Variants in METTL6 observed in about 807,000 individuals in gnomAD.
METTL6 encodes the protein methyltransferase 6, tRNA N3-cytidine, also known as tRNA N(3)-cytidine methyltransferase METTL6.
Under a neutral mutation model 26.4 loss-of-function variants are expected in METTL6, and 22 were observed. That is an observed-to-expected ratio of 0.83 (90% CI 0.59 to 1.19). The LOEUF (loss-of-function observed/expected upper bound fraction) is 1.19, where lower values mean the gene tolerates loss of function less well. Among genes scored for constraint, METTL6 ranks in the 50% most tolerant of loss-of-function variants. The probability of loss-of-function intolerance (pLI) is 0.00; values close to 1 mark genes in which losing one functional copy is unlikely to be tolerated. For synonymous variants in METTL6, 109 were observed against 116.2 expected (o/e 0.94, Z 0.40); for missense variants, 304 against 324.8 (o/e 0.94, Z 0.49).
chr3:15,388,323 C>T (rs1392531355), intron 6 of METTL6, among the ~76,000 whole-genome samples: 1 of 152,102 alleles, frequency 6.6e-6, no homozygotes, highest in Non-Finnish European at 1.5e-5. Context: ...GTTGTCCAGG[C>T]TGGTCTCAAA....
chr3:15,381,858 C>T (rs1228677212), exon 7 of METTL6: 2 of 151,978 alleles, frequency 1.3e-5, no homozygotes, highest in Non-Finnish European at 2.9e-5. Context: ...GTCAGATTAT[C>T]TCTTAGGAAA....
chr3:15,391,910 T>C (rs919712146), intron 6 of METTL6, among the ~76,000 whole-genome samples: 2 of 152,216 alleles, frequency 1.3e-5, no homozygotes, highest in Admixed American at 1.3e-4. Context: ...GTTGGACATT[T>C]GGGTTGGTTC....
Position 15,411,366 on chromosome 3 carries a change from C to T in METTL6, c.745G>A (p.Val249Met), listed in dbSNP as rs201095275. The change falls in exon 6 of 6, where the codon GTG (valine) becomes ATG (methionine). Residue 249 changes from valine (V) to methionine (M), a missense_variant. Physicochemically the swap from Val to Met is conservative, Grantham distance 21 (BLOSUM62 1). Coordinates refer to ENST00000383790, the MANE Select transcript of METTL6 (RefSeq NM_152396.4). ...ACACACAGGCCTTCTTTTTTATTCA[C>T]CGTCTCTCGAAACACATACTCGTTT... ...VVNEYVFRET[V>M]NKKEGLCVPR... 8 of 1,614,038 alleles carry T rather than the reference C, an allele frequency of 5.0e-6. No homozygotes were observed. The highest frequency in any genetic ancestry group is 6.8e-6 in the Non-Finnish European group (8 of 1,180,034).
rs112105775 is a variant in METTL6, at chr3:15,386,784, T to C, written c.*12-2597A>G. Among the ~76,000 whole-genome samples, 1,153 of 151,600 alleles carry C rather than the reference T, an allele frequency of 7.6e-3. 23 individuals are homozygous for C. Among genetic ancestry groups the C allele is most frequent in the African/African-American group, 0.027 (1,105 of 41,310 alleles). ...CCAGGAAGCTGCTGATTACCAGTTT[T>C]CGGTGTTTCCTTTTCTTTTTTTTTT... is the stretch of plus-strand genomic sequence containing the variant. On this transcript the variant is annotated intron_variant, in intron 6 of 6. Transcript: ENST00000443029.
downstream of METTL6, among the ~76,000 whole-genome samples, chr3:15,405,503 G>T (rs976912746): frequency 6.6e-6 from 1 of 152,150 alleles, no homozygotes; most frequent in Non-Finnish European, 1.5e-5. Context: ...GAGCTTTTAA[G>T]TTAATCTAGA....
At chr3:15,406,621 TATATATATAGAGAGAGAGAG>T (rs1255986977), downstream of METTL6, among the ~76,000 whole-genome samples, 13 of 41,218 alleles carry the variant, frequency 3.2e-4, no homozygotes, top group African/African-American at 1.4e-3. Flanking sequence ...TATATATATA[TATATATATAGAGAGAGAGAG>T]AGAGAGAGAG....
chr3:15,406,884 C>T (rs1161249209), downstream of METTL6, among the ~76,000 whole-genome samples: 2 of 152,096 alleles, frequency 1.3e-5, no homozygotes, highest in Admixed American at 6.6e-5. Flanking sequence ...CCTGCCTCAA[C>T]CTCCCAAAAT....
At chr3:15,423,352 C>G (rs555911753) in intron 3 of METTL6, among the ~76,000 whole-genome samples, 1 of 152,274 alleles carries the variant, frequency 6.6e-6, no homozygotes, top group African/African-American at 2.4e-5. Context: ...GAGATTGCAC[C>G]ACTGCACTCC....
At chr3:15,400,885 T>C (rs184030521) in intron 6 of METTL6, among the ~76,000 whole-genome samples, 7 of 152,290 alleles carry the variant, frequency 4.6e-5, no homozygotes, top group South Asian at 2.1e-4. Flanking sequence ...ACTGAAACTA[T>C]ACTTGTGAAC....
chr3:15,402,211 C>T (rs374906115), intron 6 of METTL6, among the ~76,000 whole-genome samples: 5 of 152,258 alleles, frequency 3.3e-5, no homozygotes, highest in African/African-American at 7.2e-5. Flanking sequence ...CTTTCATTCA[C>T]GGCTGAATGA....
At chr3:15,405,441 C>CA (rs1168154927), downstream of METTL6, among the ~76,000 whole-genome samples, 1 of 152,106 alleles carries the variant, frequency 6.6e-6, no homozygotes, top group East Asian at 1.9e-4. Flanking sequence ...CTATGCTCTT[C>CA]AATGACAATT....
intron 5 of METTL6, among the ~76,000 whole-genome samples, chr3:15,411,648 A>C (rs1377712528): frequency 1.3e-5 from 2 of 152,206 alleles, no homozygotes; most frequent in Non-Finnish European, 2.9e-5. Flanking sequence ...ATTAAATCAG[A>C]ACAAGGTGAA....
intron 5 of METTL6, 150 bp from the exon 6 acceptor site, chr3:15,411,587 CTAA>C: frequency 2.9e-6 from 2 of 699,940 alleles, no homozygotes; most frequent in East Asian, 5.9e-5. Context: ...GATTTGGGAA[CTAA>C]TACACTCCTT....
intron 6 of METTL6, among the ~76,000 whole-genome samples, chr3:15,403,217 T>C (rs541548930): frequency 6.6e-6 from 1 of 152,282 alleles, no homozygotes; most frequent in South Asian, 2.1e-4. Flanking sequence ...TCAAGTGATC[T>C]TCTTGTCTTC....
chr3:15,386,192 C>T (rs1294362744), intron 6 of METTL6, among the ~76,000 whole-genome samples: 2 of 152,150 alleles, frequency 1.3e-5, no homozygotes, highest in Non-Finnish European at 2.9e-5. Context: ...AGGGTAACTT[C>T]CAGGCACTGC....
At chr3:15,405,996 T>C (rs1699771763), downstream of METTL6, among the ~76,000 whole-genome samples, 1 of 151,802 alleles carries the variant, frequency 6.6e-6, no homozygotes, top group Non-Finnish European at 1.5e-5. Flanking sequence ...GTATGGAGTA[T>C]GTGTGTGTGT....
chr3:15,406,231 T>C (rs932942126), downstream of METTL6, among the ~76,000 whole-genome samples: 3 of 152,064 alleles, frequency 2.0e-5, no homozygotes, highest in Non-Finnish European at 4.4e-5. Flanking sequence ...GTAGTCTATA[T>C]GATTCCACAC....
downstream of METTL6, among the ~76,000 whole-genome samples, chr3:15,405,586 T>A (rs904608190): frequency 6.6e-6 from 1 of 152,094 alleles, no homozygotes; most frequent in East Asian, 1.9e-4. Flanking sequence ...AAGATGGGAG[T>A]AGAAGGCCAA....
At chr3:15,394,142 T>G (rs1699423232) in intron 6 of METTL6, among the ~76,000 whole-genome samples, 1 of 152,236 alleles carries the variant, frequency 6.6e-6, no homozygotes, top group African/African-American at 2.4e-5. Flanking sequence ...TTTTTTTGGT[T>G]GGTAAGCTAT....
Sources: gnomAD v4.1 joint callset for allele counts (sites outside exome capture counted in the v4.1 genomes callset) on GRCh38, gnomAD v4.1.1 for gene constraint, MANE v1.5 for transcripts, NCBI Gene and HGNC (gene_info 2026-07-23, HGNC 2026-07-21) for gene names.